LPAR1: variants seen among roughly 807,000 people sequenced by gnomAD.
LPAR1 encodes the protein lysophosphatidic acid receptor 1, also known as LPA receptor 1.
In LPAR1, 5 loss-of-function variants were observed where a neutral mutation model predicts 23.8. The observed-to-expected ratio is 0.21, with a 90% CI of 0.11 to 0.44. LPAR1 has a LOEUF of 0.44. Among genes scored for constraint, LPAR1 ranks in the 20% least tolerant of loss-of-function variants. The pLI, the probability that LPAR1 is intolerant of heterozygous loss-of-function variation, is 0.99. For missense variants in LPAR1, 311 were observed against 482.8 expected, an observed-to-expected ratio of 0.64 and a Z score of 3.33; for synonymous variants, 160 against 164.7, an observed-to-expected ratio of 0.97 and a Z score of 0.22.
At chr9:110,956,792 TAAA>T (rs147956414) in intron 4 of LPAR1, among the ~76,000 whole-genome samples, 3 of 151,972 alleles carry the variant, frequency 2.0e-5, no homozygotes, top group African/African-American at 4.8e-5. Flanking sequence ...GAATCAGTAA[TAAA>T]AAGTCTCCCA....
At chr9:111,003,000 GA>G (rs1343007867) in intron 2 of LPAR1, among the ~76,000 whole-genome samples, 1 of 152,032 alleles carries the variant, frequency 6.6e-6, no homozygotes, top group African/African-American at 2.4e-5. Context: ...AATAAAATAT[GA>G]AGTGTTGGTT....
intron 4 of LPAR1, among the ~76,000 whole-genome samples, chr9:110,952,178 C>G (rs2095589832): frequency 6.6e-6 from 1 of 152,130 alleles, no homozygotes. Context: ...AGCAAGGCAG[C>G]CTGCTGTTCT....
chr9:110,958,632 G>C (rs1182016039), intron 4 of LPAR1, among the ~76,000 whole-genome samples: 1 of 151,976 alleles, frequency 6.6e-6, no homozygotes, highest in African/African-American at 2.4e-5. Context: ...AAAACATTGG[G>C]AAACACTTCG....
At chr9:110,973,413 G>A (rs958207754) in intron 3 of LPAR1, 68 bp downstream of exon 3, 1 of 152,172 alleles carries the variant, frequency 6.6e-6, no homozygotes, top group Non-Finnish European at 1.5e-5. Flanking sequence ...CGAAGTTAAT[G>A]TGTTCCCTGC....
At chr9:110,958,858 TAA>T (rs199964171) in intron 4 of LPAR1, among the ~76,000 whole-genome samples, 20 of 128,672 alleles carry the variant, frequency 1.6e-4, no homozygotes, top group Middle Eastern at 3.8e-3. Context: ...AGTCAAGAGT[TAA>T]AAAAAAAAAA....
intron 2 of LPAR1, among the ~76,000 whole-genome samples, chr9:111,005,546 C>CAAAAAAAAAAAAAAA (rs60143050): frequency 1.4e-5 from 1 of 70,336 alleles, no homozygotes; most frequent in African/African-American, 7.4e-5. Flanking sequence ...GACCCTGTCT[C>CAAAAAAAAAAAAAAA]AAAAAAAAAA....
chr9:111,030,906 A>G (rs2097782563), intron 2 of LPAR1, among the ~76,000 whole-genome samples: 1 of 152,200 alleles, frequency 6.6e-6, no homozygotes, highest in Non-Finnish European at 1.5e-5. Context: ...AGGCACAGAC[A>G]GATACACACA....
chr9:110,971,494 G>A (rs980749057), intron 4 of LPAR1, among the ~76,000 whole-genome samples: 2 of 152,144 alleles, frequency 1.3e-5, no homozygotes, highest in Non-Finnish European at 2.9e-5. Context: ...AAATCAGGCT[G>A]TAAAATCATC....
At chr9:111,017,398 T>C (rs1300015233) in intron 2 of LPAR1, among the ~76,000 whole-genome samples, 2 of 152,196 alleles carry the variant, frequency 1.3e-5, no homozygotes, top group Non-Finnish European at 2.9e-5. Context: ...TAATGAGATA[T>C]CAAATTTAAT....
rs1471567383 is a variant in LPAR1 at position 110,875,791 on chromosome 9, G to A, written c.794-69C>T. On this transcript the variant is annotated intron_variant, in intron 5 of 5. Transcript: ENST00000683809. Reference sequence around the variant, plus strand: ...AATGAAAAAATATTATAAAACATGCGACCATAAAGTGAAATGATTTCAGTT... The same window carrying A: ...AATGAAAAAATATTATAAAACATGCAACCATAAAGTGAAATGATTTCAGTT... The A allele has an allele frequency of 7.3e-6, 6 of 826,188 alleles. No homozygotes were observed. The East Asian group carries it at 1.1e-4, about 16-fold the overall frequency. 51.2% of individuals were successfully genotyped at this position (826,188 alleles called of 1,614,324 possible). A position where few individuals can be genotyped will look rare whatever the true frequency, so the allele number is the denominator to read the frequency against.
chr9:110,922,125 C>T (rs546595983), intron 5 of LPAR1, among the ~76,000 whole-genome samples: 1 of 152,188 alleles, frequency 6.6e-6, no homozygotes, highest in African/African-American at 2.4e-5. Flanking sequence ...TGAAAGAAAA[C>T]AAAACTGAAG....
At chr9:110,967,341 G>A (rs564604685) in intron 4 of LPAR1, among the ~76,000 whole-genome samples, 2 of 152,108 alleles carry the variant, frequency 1.3e-5, no homozygotes, top group Non-Finnish European at 2.9e-5. Context: ...TAACTAAACA[G>A]CAATCCCAGC....
intron 2 of LPAR1, among the ~76,000 whole-genome samples, chr9:111,022,895 A>G (rs2097584547): frequency 6.6e-6 from 1 of 150,526 alleles, no homozygotes; most frequent in African/African-American, 2.4e-5. Flanking sequence ...CTAAAAATGC[A>G]AAAAAAAATT....
At chr9:111,035,834 T>C (rs978861035) in intron 2 of LPAR1, among the ~76,000 whole-genome samples, 2 of 152,198 alleles carry the variant, frequency 1.3e-5, no homozygotes, top group Non-Finnish European at 2.9e-5. Flanking sequence ...GTGAAAATGA[T>C]ACAGTGTATT....
intron 5 of LPAR1, among the ~76,000 whole-genome samples, chr9:110,924,427 G>T (rs1282286392): frequency 1.3e-5 from 2 of 151,966 alleles, no homozygotes; most frequent in African/African-American, 4.8e-5. Flanking sequence ...AATTAGCAAA[G>T]GACTAGAAAG....
intron 2 of LPAR1, among the ~76,000 whole-genome samples, chr9:111,029,669 C>T (rs1034720473): frequency 2.0e-5 from 3 of 152,104 alleles, no homozygotes; most frequent in Non-Finnish European, 4.4e-5. Context: ...TCACTACCTA[C>T]CTGATCTTAA....
intron 5 of LPAR1, among the ~76,000 whole-genome samples, chr9:110,935,468 G>A (rs757784703): frequency 6.6e-6 from 1 of 151,854 alleles, no homozygotes; most frequent in African/African-American, 2.4e-5. Flanking sequence ...GTTGAGAGCT[G>A]CATTTGAAAA....
At chr9:110,994,448 T>C (rs1400505692) in intron 2 of LPAR1, among the ~76,000 whole-genome samples, 1 of 152,202 alleles carries the variant, frequency 6.6e-6, no homozygotes, top group Non-Finnish European at 1.5e-5. Context: ...AGTAAGATAA[T>C]AGGGTGAATT....
chr9:110,917,452 C>A (rs1196764106), intron 5 of LPAR1, among the ~76,000 whole-genome samples: 1 of 152,128 alleles, frequency 6.6e-6, no homozygotes, highest in Non-Finnish European at 1.5e-5. Context: ...CTTGAGGGAG[C>A]CAACCAATAT....
Sources: allele counts gnomAD v4.1 joint callset (sites outside exome capture counted in the v4.1 genomes callset), GRCh38; gene constraint gnomAD v4.1.1; transcripts MANE v1.5; gene names NCBI Gene and HGNC (gene_info 2026-07-23, HGNC 2026-07-21).